DKK2: variants seen among roughly 807,000 people sequenced by gnomAD.
DKK2 encodes the protein dickkopf Wnt signaling pathway inhibitor 2.
DKK2 carries 11 observed loss-of-function variants against 28.1 expected under a neutral mutation model. The observed-to-expected ratio is 0.39, with a 90% CI of 0.25 to 0.65. DKK2 has a LOEUF of 0.65. Ranked by LOEUF, DKK2 falls within the 30% of genes least tolerant of loss-of-function variation. DKK2 has a pLI of 0.47. For missense variants in DKK2, 326 were observed against 335.5 expected (o/e 0.97, Z 0.22); for synonymous variants, 135 against 126.5 (o/e 1.07, Z -0.45).
chr4:107,003,934 C>T (rs535277351), intron 1 of DKK2, among the ~76,000 whole-genome samples: 3 of 152,232 alleles, frequency 2.0e-5, no homozygotes, highest in African/African-American at 7.2e-5. Context: ...AAAATTCATC[C>T]GGATGGAATT....
chr4:106,982,769 G>A (rs988692257), intron 1 of DKK2, among the ~76,000 whole-genome samples: 7 of 151,860 alleles, frequency 4.6e-5, no homozygotes, highest in African/African-American at 1.5e-4. Flanking sequence ...GACAGGCATA[G>A]TGAAATGCAC....
chr4:107,014,267 A>G (rs187936448), intron 1 of DKK2, among the ~76,000 whole-genome samples: 14 of 151,768 alleles, frequency 9.2e-5, no homozygotes, highest in Non-Finnish European at 1.3e-4. Flanking sequence ...ATGAATAAAG[A>G]AAATGTGGCA....
rs1213451560 is a variant in DKK2, at chr4:106,926,896, A to C, written c.223-947T>G. Among the ~76,000 whole-genome samples the C allele has an allele frequency of 5.9e-5, 9 of 152,178 alleles. No homozygotes were observed. The East Asian group carries it at 1.7e-3, about 29-fold the overall frequency. The stretch of plus-strand genomic sequence containing the variant: ...CCCTTGCCTCTTGGAAGTATTTGGA[A>C]CATTAAAAATGTCCCTGTGTTCAAA... On this transcript the variant is annotated intron_variant, in intron 1 of 3. Transcript: ENST00000285311.
chr4:107,020,317 T>C lies in DKK2; in HGVS notation c.222+15053A>G, dbSNP rs375124661. On this transcript the variant is annotated intron_variant, in intron 1 of 3. Transcript: ENST00000285311. Reference sequence around the variant, plus strand: ...TTGCAGATGCTGTGTCCAGGACCCATTTGGAAATGTAACTTCAAGAGGATT... The same window carrying C: ...TTGCAGATGCTGTGTCCAGGACCCACTTGGAAATGTAACTTCAAGAGGATT... 5.9e-5 allele frequency among the ~76,000 whole-genome samples: 9 copies of C among 152,168 alleles called. 1 individual carries two copies. Among genetic ancestry groups the C allele is most frequent in the Admixed American group, 5.9e-4 (9 of 15,258 alleles).
chr4:106,967,918 G>C (rs1423351704), intron 1 of DKK2, among the ~76,000 whole-genome samples: 1 of 149,496 alleles, frequency 6.7e-6, no homozygotes, highest in Non-Finnish European at 1.5e-5. Context: ...TTAAGGGATG[G>C]AGAGAGGGGT....
intron 1 of DKK2, among the ~76,000 whole-genome samples, chr4:106,970,522 AC>A (rs1722855031): frequency 6.6e-6 from 1 of 152,000 alleles, no homozygotes; most frequent in South Asian, 2.1e-4. Flanking sequence ...TGATTATATA[AC>A]CCTTCCCATG....
At chr4:106,938,236 A>G (rs1724631070) in intron 1 of DKK2, among the ~76,000 whole-genome samples, 1 of 149,552 alleles carries the variant, frequency 6.7e-6, no homozygotes, top group African/African-American at 2.5e-5. Flanking sequence ...ACTAATAAAG[A>G]AAAAAAGAGA....
chr4:107,027,598 T>C (rs1723804710), intron 1 of DKK2, among the ~76,000 whole-genome samples: 1 of 152,092 alleles, frequency 6.6e-6, no homozygotes, highest in Non-Finnish European at 1.5e-5. Context: ...CAATACACTA[T>C]GTAGAAAGTG....
intron 1 of DKK2, among the ~76,000 whole-genome samples, chr4:106,944,865 C>T (rs1230680478): frequency 6.6e-6 from 1 of 152,102 alleles, no homozygotes; most frequent in Non-Finnish European, 1.5e-5. Context: ...CTGGGCACAG[C>T]AGGTATCAAA....
chr4:107,015,680 T>A (rs893198704), intron 1 of DKK2, among the ~76,000 whole-genome samples: 1 of 151,746 alleles, frequency 6.6e-6, no homozygotes, highest in Non-Finnish European at 1.5e-5. Context: ...TTTTAAATAG[T>A]TCCTTTTTCC....
intron 1 of DKK2, among the ~76,000 whole-genome samples, chr4:106,947,217 C>T (rs1724790241): frequency 6.6e-6 from 1 of 151,976 alleles, no homozygotes; most frequent in South Asian, 2.1e-4. Flanking sequence ...AGTGCCTTGA[C>T]TTATTTATTT....
rs534403552 is a variant in DKK2, at chr4:106,946,744, C to A, written c.223-20795G>T. On this transcript the variant is annotated intron_variant, in intron 1 of 3. Coordinates refer to ENST00000285311, the MANE Select transcript of DKK2 (RefSeq NM_014421.3). ...TGCGGTTGTTACAAGGCTGAACAGACCTCTGGTAGCGTAAATAAACCTCTG... is the reference window on the plus strand; with the variant it reads ...TGCGGTTGTTACAAGGCTGAACAGAACTCTGGTAGCGTAAATAAACCTCTG... Among the ~76,000 whole-genome samples the A allele has an allele frequency of 1.1e-4, 16 of 151,964 alleles. No individual in the cohort carries two copies. The South Asian group carries it at 3.3e-3, about 32-fold the overall frequency.
intron 1 of DKK2, among the ~76,000 whole-genome samples, chr4:106,995,090 T>A (rs1281482861): frequency 6.6e-6 from 1 of 152,156 alleles, no homozygotes; most frequent in Non-Finnish European, 1.5e-5. Context: ...TACTATAATC[T>A]GTTTCCTTTT....
chr4:106,966,894 C>G lies in DKK2; in HGVS notation c.223-40945G>C, dbSNP rs74519264. ...ACCTCCCCCCTGGTTCTTCCCACAACAAGTGGGAATTTTGGGAGTTACAGT... is the reference window on the plus strand; with the variant it reads ...ACCTCCCCCCTGGTTCTTCCCACAAGAAGTGGGAATTTTGGGAGTTACAGT... On this transcript the variant is annotated intron_variant, in intron 1 of 3. Coordinates refer to ENST00000285311, the MANE Select transcript of DKK2 (RefSeq NM_014421.3). Among the ~76,000 whole-genome samples the G allele has an allele frequency of 6.0e-4, 92 of 152,194 alleles. No individual in the cohort carries two copies. In the East Asian group the frequency reaches 0.017, roughly 29 times the overall value.
intron 1 of DKK2, among the ~76,000 whole-genome samples, chr4:106,996,441 A>G (rs1187205396): frequency 6.6e-6 from 1 of 152,150 alleles, no homozygotes; most frequent in East Asian, 1.9e-4. Context: ...TTTTGAATGA[A>G]GTTCTTTTTG....
chr4:106,983,364 G>GAA (rs1285283015), intron 1 of DKK2, among the ~76,000 whole-genome samples: 1 of 138,160 alleles, frequency 7.2e-6, no homozygotes, highest in Non-Finnish European at 1.6e-5. Flanking sequence ...AAGAAAGAAA[G>GAA]AAAGAAGAAA....
intron 1 of DKK2, among the ~76,000 whole-genome samples, chr4:106,964,406 T>C (rs2110351552): frequency 6.6e-6 from 1 of 152,140 alleles, no homozygotes; most frequent in African/African-American, 2.4e-5. Flanking sequence ...GGTACAAAAA[T>C]GATGTTTAGA....
At chr4:107,031,128 A>T (rs1560595882) in intron 1 of DKK2, among the ~76,000 whole-genome samples, 1 of 151,990 alleles carries the variant, frequency 6.6e-6, no homozygotes, top group Non-Finnish European at 1.5e-5. Context: ...TCTATAATTC[A>T]TGGTGAGAGG....
At chr4:107,012,619 G>A (rs1723532586) in intron 1 of DKK2, among the ~76,000 whole-genome samples, 1 of 151,298 alleles carries the variant, frequency 6.6e-6, no homozygotes, top group Non-Finnish European at 1.5e-5. Flanking sequence ...AGAAGGTGGG[G>A]AAGTGTGAGA....
Sources: gnomAD v4.1 joint callset for allele counts (sites outside exome capture counted in the v4.1 genomes callset) on GRCh38, gnomAD v4.1.1 for gene constraint, MANE v1.5 for transcripts, NCBI Gene and HGNC (gene_info 2026-07-23, HGNC 2026-07-21) for gene names.